Variants in OGA observed in about 807,000 individuals in gnomAD.
OGA encodes the protein O-GlcNAcase.
In OGA, 21 loss-of-function variants were observed where a neutral mutation model predicts 102.0. The ratio of observed to expected loss-of-function variants is 0.21; its 90% CI spans 0.15 to 0.30. The LOEUF (loss-of-function observed/expected upper bound fraction) is 0.30. OGA is among the 10% of genes least tolerant of loss of function. OGA has a pLI of 1.00. For synonymous variants in OGA, 408 were observed against 378.2 expected (o/e 1.08, Z -0.91); for missense variants, 765 against 1,107.8 (o/e 0.69, Z 4.39).
intron 8 of OGA, among the ~76,000 whole-genome samples, chr10:101,800,034 G>A (rs1418118130): frequency 1.3e-5 from 2 of 152,066 alleles, no homozygotes; most frequent in African/African-American, 4.8e-5. Context: ...CACCACGCCC[G>A]GCTAATCTTT....
chr10:101,798,351 A>G (rs2065343303), intron 9 of OGA, among the ~76,000 whole-genome samples, 197 bp from the exon 10 acceptor site: 2 of 152,040 alleles, frequency 1.3e-5, no homozygotes, highest in Admixed American at 6.6e-5. Context: ...AGAAGGGCAA[A>G]CTATGAAACT....
In OGA at chr10:101,796,266, C is replaced by T. The variant is rs529632740; in HGVS notation, c.1984+1714G>A. 5.3e-5 allele frequency among the ~76,000 whole-genome samples: 8 copies of T among 152,074 alleles called. No individual in the cohort carries two copies. The South Asian group carries it at 1.2e-3, about 24-fold the overall frequency. ...CATGTACAGGAGCTATACAGAGCCT[C>T]CCCCCAGCCCCACAAGATGAAGTCT... On this transcript the variant is annotated intron_variant, in intron 10 of 15. Coordinates refer to ENST00000361464, the MANE Select transcript of OGA (RefSeq NM_012215.5).
chr10:101,792,865 T>G lies in OGA; in HGVS notation c.2149A>C (p.Ile717Leu). The change falls in exon 12 of 16, where the codon ATC becomes CTC. Residue 717 changes from isoleucine (I) to leucine (L), a missense_variant. By Grantham distance (5) the Ile-to-Leu change is conservative. Transcript: ENST00000361464. ...TCATCCTTAGGAAAATAAGGTCTGATAGTATAAACTTTGGAGGTAGGAGTC... is the reference window on the plus strand; with the variant it reads ...TCATCCTTAGGAAAATAAGGTCTGAGAGTATAAACTTTGGAGGTAGGAGTC... The part of the protein sequence containing the change: ...PLTPTSKVYT[I>L]RPYFPKDEAS... 2.5e-6 allele frequency: 4 copies of G among 1,609,724 alleles called. No homozygotes were observed. Among genetic ancestry groups the G allele is most frequent in the Non-Finnish European group, 3.4e-6 (4 of 1,176,058 alleles).
intron 11 of OGA, chr10:101,793,672 T>C (rs2065283602): frequency 8.1e-6 from 3 of 372,114 alleles, no homozygotes; most frequent in African/African-American, 4.2e-5. Context: ...AAAGAAACAA[T>C]GTGAAGTGTA....
intron 1 of OGA, among the ~76,000 whole-genome samples, chr10:101,814,773 G>A (rs188095600): frequency 1.3e-5 from 2 of 152,288 alleles, no homozygotes; most frequent in Admixed American, 1.3e-4. Context: ...TAAACGGAAA[G>A]GAATAAACAA....
At chr10:101,789,439 G>A (rs12245394) in intron 14 of OGA, among the ~76,000 whole-genome samples, 3,033 of 152,046 alleles carry the variant, frequency 0.02, 103 homozygotes, top group African/African-American at 0.068. Context: ...TGGAGGTTGC[G>A]GTGAGCCAAG....
rs2135110237 is a variant in OGA at position 101,818,079 on chromosome 10, G to A, written c.-57C>T. On this transcript the variant is annotated 5_prime_UTR_variant, in exon 1 of 16. Transcript: ENST00000361464. ...GGTCCTCCTCGACCTCTGTCCGTTGGGGCACCGGCCCGGAGCCCTGGAGAG... is the reference window on the plus strand; with the variant it reads ...GGTCCTCCTCGACCTCTGTCCGTTGAGGCACCGGCCCGGAGCCCTGGAGAG... 1 of 1,479,426 alleles carries A rather than the reference G, an allele frequency of 6.8e-7. No individual in the cohort carries two copies. The highest frequency in any genetic ancestry group is 2.6e-5 in the East Asian group (1 of 39,206). The allele number at this position is 1,479,426 out of a possible 1,614,324, so 91.6% of individuals were successfully genotyped here.
chr10:101,790,261 T>C (rs530129654), intron 14 of OGA, among the ~76,000 whole-genome samples: 3 of 141,718 alleles, frequency 2.1e-5, no homozygotes, highest in East Asian at 4.1e-4. Context: ...GACCATAATA[T>C]CTTGTTTTTT....
rs748066693 is a variant in OGA at position 101,806,157 on chromosome 10, GA to G, written c.653-15del. Reference sequence around the variant, plus strand: ...TGCCACAGTATTCTAAATGTAGGGAGAAAAGTAAAAAAGTCAGAATTAAAAT... The same window carrying G: ...TGCCACAGTATTCTAAATGTAGGGAGAAAGTAAAAAAGTCAGAATTAAAAT... On this transcript the variant is annotated splice_polypyrimidine_tract_variant and intron_variant, in intron 5 of 15. Transcript: ENST00000361464. The G allele has an allele frequency of 6.0e-6, 9 of 1,496,572 alleles. No homozygotes were observed. The South Asian group carries it at 9.0e-5, about 15-fold the overall frequency. 92.7% of individuals were successfully genotyped at this position (1,496,572 alleles called of 1,614,324 possible).
intron 7 of OGA, among the ~76,000 whole-genome samples, chr10:101,803,516 A>G (rs1328818164): frequency 6.6e-6 from 1 of 152,084 alleles, no homozygotes; most frequent in Non-Finnish European, 1.5e-5. Context: ...AAAGACACTC[A>G]ACCTTTCTTC....
At chr10:101,796,003 A>C (rs1282927304) in intron 10 of OGA, 1 of 558,134 alleles carries the variant, frequency 1.8e-6, no homozygotes, top group East Asian at 1.4e-4. Context: ...ACTGTGTATC[A>C]TTAAGAATTT....
At position 101,790,906 on chromosome 10, in the gene OGA, G is replaced by C; in HGVS notation, c.2444C>G (p.Ser815Cys). The C allele has an allele frequency of 6.2e-7, 1 of 1,605,604 alleles. No homozygotes were observed. The highest frequency in any genetic ancestry group is 8.5e-7 in the Non-Finnish European group (1 of 1,173,298). The change falls in exon 14 of 16, where the codon TCT becomes TGT. Residue 815 changes from serine (S) to cysteine (C), a missense_variant. Physicochemically the swap from Ser to Cys is moderately radical, Grantham distance 112 (BLOSUM62 -1). This residue lies in a region of OGA where 146 missense variants were observed against 269.7 expected (regional missense o/e 0.54). Transcript: ENST00000361464. ...TAACCTTTGTATTACCTCAGCCTCA[G>C]AGAGTTCCTTGTCACCATTTGGCTT... is the stretch of plus-strand genomic sequence containing the variant. ...YTKPNGDKEL[S>C]EAEKIMLSFH...
In OGA at chr10:101,790,986, G is replaced by A. The variant is rs1335311545; in HGVS notation, c.2364C>T (p.Pro788=). 8 of 1,613,458 alleles carry A rather than the reference G, an allele frequency of 5.0e-6. No homozygotes were observed. Among genetic ancestry groups the A allele is most frequent in the East Asian group, 4.5e-5 (2 of 44,876 alleles). Residue 788 remains proline (P), a synonymous_variant, in exon 14 of 16, where the codon CCC becomes CCT. Coordinates refer to ENST00000361464, the MANE Select transcript of OGA (RefSeq NM_012215.5). ...AGGAAATTTTACATTTTTTAATAAA[G>A]GGGGTCACATCTACAGTGCCCAAGG... is the stretch of plus-strand genomic sequence containing the variant. ...GYALGTVDVT[P]FIKKCKISWI...
In OGA at chr10:101,799,106, G is replaced by A. The variant is rs776110915; in HGVS notation, c.1545C>T (p.Ser515=). 4 of 1,614,056 alleles carry A rather than the reference G, an allele frequency of 2.5e-6. No individual in the cohort carries two copies. The African/African-American group carries it at 5.3e-5, about 22-fold the overall frequency. ...TGTCACTAATACAATCTTCTTGCAT[G>A]GACATCTCTGGGGATTTTGATTCAG... is the stretch of plus-strand genomic sequence containing the variant. ...SIAESKSPEM[S]MQEDCISDIA... is the part of the protein sequence containing the mutation. Residue 515 remains serine, a synonymous_variant, in exon 9 of 16, where the codon TCC becomes TCT. Coordinates refer to ENST00000361464, the MANE Select transcript of OGA (RefSeq NM_012215.5).
In OGA at chr10:101,817,985, C is replaced by T. The variant is rs1380877957; in HGVS notation, c.38G>A (p.Arg13Gln). Reference protein sequence around the residue: ...QKESQATLEERESELSSNPAA... With the variant: ...QKESQATLEEQESELSSNPAA... ...AGGGTTGGAGCTGAGCTCGCTCTCCCGCTCCTCCAACGTCGCTTGACTCTC... is the reference window on the plus strand; with the variant it reads ...AGGGTTGGAGCTGAGCTCGCTCTCCTGCTCCTCCAACGTCGCTTGACTCTC... Residue 13 changes from arginine to glutamine, a missense_variant, in exon 1 of 16, where the codon CGG becomes CAG. This residue lies in a region of OGA where 117 missense variants were observed against 85.7 expected (regional missense o/e 1.36). Transcript: ENST00000361464. 1.9e-6 allele frequency: 3 copies of T among 1,604,588 alleles called. No individual in the cohort carries two copies. In the East Asian group the frequency reaches 6.7e-5, roughly 36 times the overall value.
chr10:101,790,466 G>A (rs1007619846), intron 14 of OGA, among the ~76,000 whole-genome samples: 1 of 151,754 alleles, frequency 6.6e-6, no homozygotes, highest in Non-Finnish European at 1.5e-5. Context: ...TAGTAGAGAT[G>A]GAGTTTCACC....
At chr10:101,806,183 T>C (rs974841485) in intron 5 of OGA, 40 bp from the exon 6 acceptor site, 2 of 1,243,642 alleles carry the variant, frequency 1.6e-6, no homozygotes, top group Admixed American at 1.7e-5. Context: ...AGAATTAAAA[T>C]GCTCATGGGT....
intron 6 of OGA, among the ~76,000 whole-genome samples, chr10:101,805,681 C>T (rs1318439500): frequency 2.8e-5 from 4 of 143,088 alleles, no homozygotes; most frequent in African/African-American, 1.0e-4. Flanking sequence ...AAAGGCCAGG[C>T]GTGGTGGCTC....
At position 101,818,262 on chromosome 10, in the gene OGA, A is replaced by G; in HGVS notation, c.-240T>C. 1 of 1,310,144 alleles carries G rather than the reference A, an allele frequency of 7.6e-7. No individual in the cohort carries two copies. Among genetic ancestry groups the G allele is most frequent in the Non-Finnish European group, 9.7e-7 (1 of 1,030,738 alleles). 81.2% of individuals were successfully genotyped at this position (1,310,144 alleles called of 1,614,324 possible). A position where few individuals can be genotyped will look rare whatever the true frequency, so the allele number is the denominator to read the frequency against. ...AGCCTCGGCTTTAAGCTGGGGCGCC[A>G]GAAGCCTAAGCGGAGAGCGAGGCTG... is the stretch of plus-strand genomic sequence containing the variant. On this transcript the variant is annotated 5_prime_UTR_variant, in exon 1 of 16. Coordinates refer to ENST00000361464, the MANE Select transcript of OGA (RefSeq NM_012215.5).
Sources: gnomAD v4.1 joint callset for allele counts (sites outside exome capture counted in the v4.1 genomes callset) on GRCh38, gnomAD v4.1.1 for gene constraint, gnomAD v4.1.1 regional missense constraint, MANE v1.5 for transcripts, NCBI Gene and HGNC (gene_info 2026-07-23, HGNC 2026-07-21) for gene names.